Variants in RASAL2 observed in about 807,000 individuals in gnomAD.
RASAL2 encodes the protein ras GTPase-activating protein nGAP.
In RASAL2, 58 loss-of-function variants were observed where a neutral mutation model predicts 128.9. The observed-to-expected ratio is 0.45, with a 90% CI of 0.36 to 0.56. The LOEUF is 0.56. RASAL2 is among the 20% of genes least tolerant of loss of function. The pLI is 0.00. For synonymous variants in RASAL2, 561 were observed against 580.8 expected (o/e 0.97, Z 0.49); for missense variants, 1,360 against 1,601.6 (o/e 0.85, Z 2.57).
At chr1:178,173,732 CA>C (rs1408489721) in intron 1 of RASAL2, among the ~76,000 whole-genome samples, 2 of 151,946 alleles carry the variant, frequency 1.3e-5, no homozygotes, top group African/African-American at 2.4e-5. Flanking sequence ...AGTAAGGATT[CA>C]AATCCTGAAA....
chr1:178,217,737 G>A (rs181005352), intron 1 of RASAL2, among the ~76,000 whole-genome samples: 28 of 152,282 alleles, frequency 1.8e-4, no homozygotes, highest in African/African-American at 6.3e-4. Flanking sequence ...GAAGAGTCTT[G>A]CCTCAATACT....
intron 1 of RASAL2, among the ~76,000 whole-genome samples, chr1:178,192,048 G>A (rs1662513581): frequency 6.6e-6 from 1 of 152,092 alleles, no homozygotes; most frequent in South Asian, 2.1e-4. Flanking sequence ...GGAGGTGAAG[G>A]AGCATATGGA....
chr1:178,159,693 C>A (rs1292347110), intron 1 of RASAL2, among the ~76,000 whole-genome samples: 8 of 152,000 alleles, frequency 5.3e-5, no homozygotes, highest in Admixed American at 2.0e-4. Context: ...CTTCGGGAGG[C>A]CAAGGTAGGT....
chr1:178,211,628 G>C (rs1226738274), intron 1 of RASAL2, among the ~76,000 whole-genome samples: 1 of 151,918 alleles, frequency 6.6e-6, no homozygotes, highest in Non-Finnish European at 1.5e-5. Flanking sequence ...TGTTCTCTTT[G>C]CTGGTAATGC....
At chr1:178,404,404 CAG>C (rs775289493) in intron 4 of RASAL2, among the ~76,000 whole-genome samples, 9 of 151,964 alleles carry the variant, frequency 5.9e-5, no homozygotes, top group Non-Finnish European at 1.3e-4. Context: ...TTTTTTGAGA[CAG>C]AGTCTCGCTC....
chr1:178,392,119 TA>T (rs1672946646), intron 4 of RASAL2, among the ~76,000 whole-genome samples: 1 of 152,170 alleles, frequency 6.6e-6, no homozygotes, highest in Non-Finnish European at 1.5e-5. Context: ...GTGCGTGGTA[TA>T]AAAAAGTTTT....
chr1:178,306,143 C>T lies in RASAL2; in HGVS notation c.457+6025C>T, dbSNP rs149495720. Among the ~76,000 whole-genome samples, 738 of 152,180 alleles carry T rather than the reference C, an allele frequency of 4.8e-3. 6 individuals carry two copies. Among genetic ancestry groups the T allele is most frequent in the Non-Finnish European group, 4.5e-3 (305 of 68,006 alleles). ...ATTCCCACCTTTGAGTGAGAATATG[C>T]GGTGTTTGGTTTTTTGTTCTTGCGA... On this transcript the variant is annotated intron_variant, in intron 3 of 17. Transcript: ENST00000367649.
At chr1:178,248,704 T>C (rs1415924622) in intron 1 of RASAL2, among the ~76,000 whole-genome samples, 7 of 152,222 alleles carry the variant, frequency 4.6e-5, no homozygotes, top group African/African-American at 1.7e-4. Context: ...CCATATTTAG[T>C]GCTTCCTTCA....
At chr1:178,181,448 C>T (rs1004847959) in intron 1 of RASAL2, among the ~76,000 whole-genome samples, 1 of 152,056 alleles carries the variant, frequency 6.6e-6, no homozygotes, top group Non-Finnish European at 1.5e-5. Context: ...AGCTCTGCCT[C>T]CCAGCTTCAC....
intron 3 of RASAL2, among the ~76,000 whole-genome samples, chr1:178,365,239 A>G (rs941914000): frequency 4.6e-5 from 7 of 152,166 alleles, no homozygotes; most frequent in African/African-American, 1.7e-4. Context: ...AATTCATCTT[A>G]GTTTCATTAG....
chr1:178,346,701 A>G (rs1269857962), intron 3 of RASAL2, among the ~76,000 whole-genome samples: 1 of 152,224 alleles, frequency 6.6e-6, no homozygotes, highest in African/African-American at 2.4e-5. Context: ...GTAGCTTTTT[A>G]AAATCAATTA....
intron 4 of RASAL2, among the ~76,000 whole-genome samples, chr1:178,413,441 C>G (rs1330355246): frequency 6.6e-6 from 1 of 152,192 alleles, no homozygotes; most frequent in Admixed American, 6.5e-5. Flanking sequence ...AACACAGACT[C>G]ATTAAAAGAC....
At chr1:178,338,040 T>A (rs1004004852) in intron 3 of RASAL2, among the ~76,000 whole-genome samples, 1 of 151,286 alleles carries the variant, frequency 6.6e-6, no homozygotes, top group African/African-American at 2.4e-5. Context: ...CTGTGATTTT[T>A]AATTATATAC....
At chr1:178,384,693 A>C (rs7514429) in intron 3 of RASAL2, among the ~76,000 whole-genome samples, 12,631 of 147,394 alleles carry the variant, frequency 0.086, 1,332 homozygotes, top group African/African-American at 0.27. Context: ...CACACACACA[A>C]AAAAAAAACT....
chr1:178,106,612 G>C (rs1659099924), intron 1 of RASAL2, among the ~76,000 whole-genome samples: 1 of 152,034 alleles, frequency 6.6e-6, no homozygotes, highest in South Asian at 2.1e-4. Flanking sequence ...AAGACTTCAT[G>C]GTTTTCCTTT....
chr1:178,422,779 G>T (rs538160052), intron 5 of RASAL2, among the ~76,000 whole-genome samples: 1 of 152,014 alleles, frequency 6.6e-6, no homozygotes, highest in Non-Finnish European at 1.5e-5. Flanking sequence ...AAACATTTCT[G>T]TTCTTTTATC....
intron 5 of RASAL2, among the ~76,000 whole-genome samples, chr1:178,438,120 G>A (rs866566761): frequency 1.2e-3 from 179 of 151,304 alleles, no homozygotes; most frequent in African/African-American, 4.2e-3. Context: ...GTGTGTGTGT[G>A]TGTGTGTGTG....
intron 3 of RASAL2, among the ~76,000 whole-genome samples, chr1:178,308,880 T>G (rs1373235663): frequency 1.3e-5 from 2 of 152,116 alleles, no homozygotes; most frequent in African/African-American, 4.8e-5. Context: ...GTTAGAAATA[T>G]CTAGATAATT....
chr1:178,465,116 CTAAT>C (rs1476692937), intron 15 of RASAL2, among the ~76,000 whole-genome samples: 10 of 152,000 alleles, frequency 6.6e-5, no homozygotes, highest in African/African-American at 2.4e-4. Flanking sequence ...GGCCATGTAA[CTAAT>C]TGAGTCACTG....
Sources: gnomAD v4.1 joint callset for allele counts (sites outside exome capture counted in the v4.1 genomes callset) on GRCh38, gnomAD v4.1.1 for gene constraint, MANE v1.5 for transcripts, NCBI Gene and HGNC (gene_info 2026-07-23, HGNC 2026-07-21) for gene names.